Variants in LRRC28 observed in about 807,000 individuals in gnomAD.
The protein encoded by LRRC28 is leucine rich repeat containing 28.
Under a neutral mutation model 45.7 loss-of-function variants are expected in LRRC28, and 39 were observed. The observed-to-expected ratio is 0.85, with a 90% CI of 0.66 to 1.12. The LOEUF (loss-of-function observed/expected upper bound fraction) is 1.12, where lower values mean the gene tolerates loss of function less well. Among genes scored for constraint, LRRC28 ranks in the 50% most tolerant of loss-of-function variants. The pLI is 0.00. For synonymous variants in LRRC28, 206 were observed against 178.8 expected (o/e 1.15, Z -1.22); for missense variants, 435 against 438.5 (o/e 0.99, Z 0.07).
rs534774920 is a variant in LRRC28 at position 99,335,991 on chromosome 15, G to A, written c.592+1862G>A. 5.2e-4 allele frequency among the ~76,000 whole-genome samples: 79 copies of A among 152,194 alleles called. No individual in the cohort carries two copies. The South Asian group carries it at 7.0e-3, about 14-fold the overall frequency. The stretch of plus-strand genomic sequence containing the variant: ...ACTTACTGTGGCTTGACTTTCAGAC[G>A]TTACCAGAAACAGATTAGGTTGTTA... On this transcript the variant is annotated intron_variant, in intron 6 of 9. Coordinates refer to ENST00000301981, the MANE Select transcript of LRRC28 (RefSeq NM_144598.5).
At chr15:99,310,598 G>T (rs1416813041) in intron 5 of LRRC28, among the ~76,000 whole-genome samples, 1 of 152,248 alleles carries the variant, frequency 6.6e-6, no homozygotes, top group Non-Finnish European at 1.5e-5. Flanking sequence ...ACAGGGATAA[G>T]TGAGTATTTT....
At chr15:99,349,233 C>T (rs550589210) in intron 6 of LRRC28, among the ~76,000 whole-genome samples, 3 of 152,074 alleles carry the variant, frequency 2.0e-5, no homozygotes, top group East Asian at 1.9e-4. Context: ...ATTAACACCA[C>T]GGTTATTCTC....
intron 2 of LRRC28, among the ~76,000 whole-genome samples, chr15:99,266,775 T>C (rs1348866004): frequency 1.3e-5 from 2 of 152,212 alleles, no homozygotes; most frequent in Non-Finnish European, 2.9e-5. Context: ...GCTAGCACTG[T>C]TTGAGTCTTT....
rs374759913 is a variant in LRRC28 at position 99,255,981 on chromosome 15, G to A, written c.24G>A (p.Thr8=). The change falls in exon 2 of 10, where the codon ACG becomes ACA. Residue 8 remains threonine (T), a synonymous_variant. Coordinates refer to ENST00000301981, the MANE Select transcript of LRRC28 (RefSeq NM_144598.5). MASELCK[T]ISVARLEKHK... is the part of the protein sequence containing the mutation. ...TCATGGCGTCCGAACTTTGTAAGAC[G>A]ATCTCTGTGGCAAGGCTAGAAAAGC... 24 of 1,612,500 alleles carry A rather than the reference G, an allele frequency of 1.5e-5. No homozygotes were observed. In the African/African-American group the frequency reaches 2.0e-4, roughly 13 times the overall value.
chr15:99,276,755 T>C, intron 3 of LRRC28, 139 bp downstream of exon 3: 1 of 540,586 alleles, frequency 1.8e-6, no homozygotes, highest in East Asian at 3.5e-5. Context: ...TAGGTAGACC[T>C]GTGGTTCTAC....
chr15:99,366,442 A>G (rs763173200), intron 9 of LRRC28, among the ~76,000 whole-genome samples: 1 of 152,232 alleles, frequency 6.6e-6, no homozygotes. Context: ...AGGTCTCTAT[A>G]TTAGTCAGCA....
In LRRC28 at chr15:99,367,358, A is replaced by G. The variant is rs1452827490; in HGVS notation, c.1031+4093A>G. Among the ~76,000 whole-genome samples, 8 of 152,224 alleles carry G rather than the reference A, an allele frequency of 5.3e-5. 1 individual carries two copies. On this transcript the variant is annotated intron_variant, in intron 9 of 9. Transcript: ENST00000301981. ...TGGCTCATGCTTTTGGAGCCTGGGA[A>G]GTCCAAGATCGAGTGGCCACGTCTG...
chr15:99,309,619 G>C (rs1955327389), intron 5 of LRRC28, among the ~76,000 whole-genome samples: 1 of 152,142 alleles, frequency 6.6e-6, no homozygotes, highest in Non-Finnish European at 1.5e-5. Flanking sequence ...ATGTTGGCCA[G>C]GCTGGTCTTG....
chr15:99,252,499 G>T (rs1336906357), intron 1 of LRRC28, among the ~76,000 whole-genome samples: 1 of 152,196 alleles, frequency 6.6e-6, no homozygotes, highest in Non-Finnish European at 1.5e-5. Flanking sequence ...AGTGAGTGTG[G>T]TTTTGCATTA....
chr15:99,278,533 A>G (rs1468136086), intron 3 of LRRC28, among the ~76,000 whole-genome samples: 1 of 152,236 alleles, frequency 6.6e-6, no homozygotes. Flanking sequence ...GGCGTGAGCC[A>G]CTGCACCTGG....
intron 1 of LRRC28, among the ~76,000 whole-genome samples, chr15:99,255,400 A>T (rs1323146090): frequency 6.6e-6 from 1 of 152,092 alleles, no homozygotes; most frequent in Non-Finnish European, 1.5e-5. Context: ...AGATAAAGAA[A>T]AAAATCAGAA....
At chr15:99,318,692 C>G (rs1690968406) in intron 5 of LRRC28, among the ~76,000 whole-genome samples, 1 of 151,944 alleles carries the variant, frequency 6.6e-6, no homozygotes, top group Non-Finnish European at 1.5e-5. Context: ...CAATGTTTTT[C>G]ATGTAAATTG....
chr15:99,253,413 G>T (rs181592050), intron 1 of LRRC28, among the ~76,000 whole-genome samples: 1 of 152,292 alleles, frequency 6.6e-6, no homozygotes, highest in African/African-American at 2.4e-5. Context: ...GAGCCACTGC[G>T]CCCGGTCTCA....
intron 1 of LRRC28, among the ~76,000 whole-genome samples, chr15:99,254,823 G>T (rs1267883949): frequency 6.6e-6 from 1 of 152,118 alleles, no homozygotes; most frequent in Non-Finnish European, 1.5e-5. Flanking sequence ...GTCAATTTTG[G>T]AGCTAGAAGA....
At position 99,359,551 on chromosome 15, in the gene LRRC28, T is replaced by C. The variant is rs372212065; in HGVS notation, c.696-1785T>C. Among the ~76,000 whole-genome samples the C allele has an allele frequency of 6.0e-4, 92 of 152,342 alleles. 3 individuals are homozygous for C. The South Asian group carries it at 0.015, about 24-fold the overall frequency. ...GATGATGGTGTGGGGAAATGGATGC[T>C]TTCTTACCAATCTTTTTGGAAAGAT... On this transcript the variant is annotated intron_variant, in intron 7 of 9. Transcript: ENST00000301981.
intron 9 of LRRC28, among the ~76,000 whole-genome samples, chr15:99,383,574 T>C (rs1476866514): frequency 2.0e-5 from 3 of 152,164 alleles, no homozygotes; most frequent in Non-Finnish European, 4.4e-5. Flanking sequence ...TGGATACAAC[T>C]CTTCTTTTCC....
At chr15:99,263,036 G>A (rs1484283228) in intron 2 of LRRC28, among the ~76,000 whole-genome samples, 1 of 151,728 alleles carries the variant, frequency 6.6e-6, no homozygotes, top group Non-Finnish European at 1.5e-5. Flanking sequence ...GGGGCCGGGT[G>A]CAGTGGCTCA....
Position 99,323,171 on chromosome 15 carries a change from C to T in LRRC28, c.386-10752C>T, listed in dbSNP as rs77556127. The stretch of plus-strand genomic sequence containing the variant: ...TTGTATTATTAAGCATAATTTACCA[C>T]AGTTTGATTTTGGCTCCCTGGTCTG... On this transcript the variant is annotated intron_variant, in intron 5 of 9. Transcript: ENST00000301981. Among the ~76,000 whole-genome samples, 1,396 of 152,252 alleles carry T rather than the reference C, an allele frequency of 9.2e-3. 9 individuals are homozygous for T. The highest frequency in any genetic ancestry group is 0.014 in the Non-Finnish European group (945 of 68,020).
Position 99,334,118 on chromosome 15 carries a change from T to G in LRRC28, c.581T>G (p.Phe194Cys), listed in dbSNP as rs1399545276. Residue 194 changes from phenylalanine (F) to cysteine (C), a missense_variant, in exon 6 of 10, where the codon TTT becomes TGT. By Grantham distance (205) the Phe-to-Cys change is radical. Coordinates refer to ENST00000301981, the MANE Select transcript of LRRC28 (RefSeq NM_144598.5). ...TCCATGGCTGGAAACCGTCTTGCATTTTTGCCACTTGGTAAGTGATTGTGT... is the reference window on the plus strand; with the variant it reads ...TCCATGGCTGGAAACCGTCTTGCATGTTTGCCACTTGGTAAGTGATTGTGT... ...ELSMAGNRLAFLPLDLGRSRE... is the reference protein window; with the variant it reads ...ELSMAGNRLACLPLDLGRSRE... The G allele has an allele frequency of 6.2e-7, 1 of 1,614,076 alleles. No homozygotes were observed. Among genetic ancestry groups the G allele is most frequent in the Non-Finnish European group, 8.5e-7 (1 of 1,179,970 alleles).
Sources: gnomAD v4.1 joint callset for allele counts (sites outside exome capture counted in the v4.1 genomes callset) on GRCh38, gnomAD v4.1.1 for gene constraint, MANE v1.5 for transcripts, NCBI Gene and HGNC (gene_info 2026-07-23, HGNC 2026-07-21) for gene names.